Variants in SLC43A2 observed in about 807,000 individuals in gnomAD.
SLC43A2 encodes the protein large neutral amino acids transporter small subunit 4.
In SLC43A2, 38 loss-of-function variants were observed where a neutral mutation model predicts 63.2. The observed-to-expected ratio is 0.60, with a 90% CI of 0.46 to 0.79. The LOEUF is 0.79. SLC43A2 is among the 30% of genes least tolerant of loss of function. The pLI, the probability that SLC43A2 is intolerant of heterozygous loss-of-function variation, is 0.00. For missense variants in SLC43A2, 644 were observed against 756.2 expected, an observed-to-expected ratio of 0.85 and a Z score of 1.74; for synonymous variants, 322 against 331.0, an observed-to-expected ratio of 0.97 and a Z score of 0.30.
intron 2 of SLC43A2, among the ~76,000 whole-genome samples, chr17:1,622,962 C>T (rs10445290): frequency 0.36 from 54,754 of 151,794 alleles, 10,619 homozygotes; most frequent in Middle Eastern, 0.48. Context: ...AAAAATTAGC[C>T]GGGTATGGTG....
intron 2 of SLC43A2, among the ~76,000 whole-genome samples, chr17:1,617,283 C>G (rs998653461): frequency 6.6e-6 from 1 of 152,252 alleles, no homozygotes. Flanking sequence ...ACCCCAATAG[C>G]CTGGTTCTCC....
rs1197093600 is a variant in SLC43A2 at position 1,616,621 on chromosome 17, G to A, written c.309C>T (p.Thr103=). 1 of 1,614,126 alleles carries A rather than the reference G, an allele frequency of 6.2e-7. No individual in the cohort carries two copies. Among genetic ancestry groups the A allele is most frequent in the Non-Finnish European group, 8.5e-7 (1 of 1,180,002 alleles). ...TGTCCATGACGATACCCAGGGGCAG[G>A]GTGATGGCACTGAGCAGAAAGGAGC... ...TVGSFLLSAI[T]LPLGIVMDKY... Residue 103 remains threonine, a synonymous_variant, in exon 3 of 14, where the codon ACC becomes ACT. Coordinates refer to ENST00000301335, the MANE Select transcript of SLC43A2 (RefSeq NM_152346.3).
At chr17:1,614,167 C>T (rs978995299) in intron 4 of SLC43A2, among the ~76,000 whole-genome samples, 1 of 152,024 alleles carries the variant, frequency 6.6e-6, no homozygotes, top group East Asian at 1.9e-4. Flanking sequence ...GGCGTGAACC[C>T]GGGAGGTGGA....
intron 2 of SLC43A2, among the ~76,000 whole-genome samples, chr17:1,621,874 G>A (rs1427808548): frequency 6.6e-6 from 1 of 152,222 alleles, no homozygotes; most frequent in East Asian, 1.9e-4. Context: ...ATATCCCAGA[G>A]AGAAAATGCT....
At chr17:1,626,014 A>C (rs1908628453) in intron 2 of SLC43A2, among the ~76,000 whole-genome samples, 1 of 149,878 alleles carries the variant, frequency 6.7e-6, no homozygotes, top group African/African-American at 2.5e-5. Flanking sequence ...TTAAAAAAAA[A>C]CAAAAAACAA....
rs988576586 is a variant in SLC43A2, at chr17:1,613,057, G to A, written c.501+138C>T. 6.9e-5 allele frequency: 50 copies of A among 724,410 alleles called. 1 individual carries two copies. The highest frequency in any genetic ancestry group is 5.2e-4 in the East Asian group (19 of 36,288). 44.9% of individuals were successfully genotyped at this position (724,410 alleles called of 1,614,324 possible). A position where few individuals can be genotyped will look rare whatever the true frequency, so the allele number is the denominator to read the frequency against. On this transcript the variant is annotated intron_variant, in intron 5 of 13. Coordinates refer to ENST00000301335, the MANE Select transcript of SLC43A2 (RefSeq NM_152346.3). Reference sequence around the variant, plus strand: ...TGAGGAGGCCCTGCCAGGCCACCTCGCCCATAGCCCCTCTACTGTTTGGGA... The same window carrying A: ...TGAGGAGGCCCTGCCAGGCCACCTCACCCATAGCCCCTCTACTGTTTGGGA...
chr17:1,575,769 G>A lies in SLC43A2; in HGVS notation c.1549-4C>T, dbSNP rs757864851. On this transcript the variant is annotated splice_region_variant and splice_polypyrimidine_tract_variant and intron_variant, in intron 13 of 13. Transcript: ENST00000301335. ...GAAGGAGCAGCCCCACGTTCACCTG[G>A]GGAGGCAGGGAGGCCGCGCATCACA... is the stretch of plus-strand genomic sequence containing the variant. 1.7e-5 allele frequency: 27 copies of A among 1,605,926 alleles called. No homozygotes were observed. Among genetic ancestry groups the A allele is most frequent in the African/African-American group, 1.6e-4 (12 of 74,780 alleles).
Position 1,576,725 on chromosome 17 carries a change from A to G in SLC43A2, c.1425-5T>C, listed in dbSNP as rs746871645. 4 of 1,608,334 alleles carry G rather than the reference A, an allele frequency of 2.5e-6. No homozygotes were observed. The highest frequency in any genetic ancestry group is 3.4e-6 in the Non-Finnish European group (4 of 1,179,716). On this transcript the variant is annotated splice_polypyrimidine_tract_variant and splice_region_variant and intron_variant, in intron 12 of 13. Transcript: ENST00000301335. ...CCGAACTGGGTGGAGGGGTACCTGCAGGGCAAGCGACAGCTCACAGCCATC... is the reference window on the plus strand; with the variant it reads ...CCGAACTGGGTGGAGGGGTACCTGCGGGGCAAGCGACAGCTCACAGCCATC...
chr17:1,581,150 G>T (rs1308944862), intron 11 of SLC43A2, among the ~76,000 whole-genome samples: 3 of 151,484 alleles, frequency 2.0e-5, no homozygotes, highest in Non-Finnish European at 4.4e-5. Context: ...TGTGGGTGGT[G>T]GGGGGGCAGG....
At chr17:1,599,797 C>A (rs1015442654) in intron 5 of SLC43A2, among the ~76,000 whole-genome samples, 2 of 151,924 alleles carry the variant, frequency 1.3e-5, no homozygotes, top group South Asian at 4.2e-4. Flanking sequence ...GTAATCCCAG[C>A]ACTTTGGGAA....
Position 1,591,385 on chromosome 17 carries a change from C to T in SLC43A2, c.815G>A (p.Arg272His), listed in dbSNP as rs369338929. 5 of 1,612,520 alleles carry T rather than the reference C, an allele frequency of 3.1e-6. No homozygotes were observed. The highest frequency in any genetic ancestry group is 1.1e-5 in the South Asian group (1 of 91,078). Residue 272 changes from arginine (R) to histidine (H), a missense_variant, in exon 8 of 14, where the codon CGC becomes CAC. Physicochemically the swap from Arg to His is conservative, Grantham distance 29. Around this residue, in one of 3 missense-constraint regions of SLC43A2, gnomAD observed 528 missense variants for 623.6 expected, o/e 0.85. Coordinates refer to ENST00000301335, the MANE Select transcript of SLC43A2 (RefSeq NM_152346.3). ...FYKQVTTVGRRLSVGSSMRSA... is the reference protein window; with the variant it reads ...FYKQVTTVGRHLSVGSSMRSA... Reference sequence around the variant, plus strand: ...CCTCATGGAGCTGCCCACACTCAGGCGCCGGCCCACCGTGGTCACCTGCTT... The same window carrying T: ...CCTCATGGAGCTGCCCACACTCAGGTGCCGGCCCACCGTGGTCACCTGCTT...
intron 5 of SLC43A2, among the ~76,000 whole-genome samples, chr17:1,609,893 C>T (rs376497195): frequency 2.0e-5 from 3 of 150,706 alleles, no homozygotes; most frequent in African/African-American, 7.3e-5. Context: ...ATATTCCAAA[C>T]TGATGAAGAC....
rs34412033 is a variant in SLC43A2 at position 1,575,684 on chromosome 17, G to T, written c.1630C>A (p.Arg544=). 1 of 1,614,084 alleles carries T rather than the reference G, an allele frequency of 6.2e-7. No individual in the cohort carries two copies. Among genetic ancestry groups the T allele is most frequent in the Admixed American group, 1.7e-5 (1 of 60,022 alleles). ...TCCTCCTGCCTCTGCTGCAGCTGCC[G>T]CTCCAGCTGGCGCCGGTAGCAGATC... is the stretch of plus-strand genomic sequence containing the variant. ...YLICYRRQLE[R]QLQQRQEDDK... Residue 544 remains arginine (R), a synonymous_variant, in exon 14 of 14, where the codon CGG becomes AGG. Transcript: ENST00000301335.
intron 5 of SLC43A2, among the ~76,000 whole-genome samples, chr17:1,612,793 G>A (rs963849014): frequency 1.3e-5 from 2 of 152,146 alleles, no homozygotes; most frequent in Non-Finnish European, 2.9e-5. Flanking sequence ...CCAACATGGC[G>A]AAACCCCATG....
Position 1,606,880 on chromosome 17 carries a change from A to T in SLC43A2, c.501+6315T>A, listed in dbSNP as rs1309273924. On this transcript the variant is annotated intron_variant, in intron 5 of 13. Coordinates refer to ENST00000301335, the MANE Select transcript of SLC43A2 (RefSeq NM_152346.3). The surrounding 1 kb of genome is among the most constrained non-coding windows in gnomAD (Gnocchi z 4.7). ...TACTGGGCAGCCTACCTGACGCGAC[A>T]GCCACCCTTGCCCCTCGGAGCCTCC... 6.6e-6 allele frequency among the ~76,000 whole-genome samples: 1 copy of T among 152,232 alleles called. No homozygotes were observed. Among genetic ancestry groups the T allele is most frequent in the Admixed American group, 6.5e-5 (1 of 15,280 alleles).
At chr17:1,624,310 C>A (rs544722191) in intron 2 of SLC43A2, among the ~76,000 whole-genome samples, 133 of 152,262 alleles carry the variant, frequency 8.7e-4, no homozygotes, top group Middle Eastern at 3.4e-3. Context: ...TGGTGGCTTA[C>A]ACCTGTAGTC....
At chr17:1,586,928 T>TGGGCC in intron 9 of SLC43A2, 525 of 1,232,086 alleles carry the variant, frequency 4.3e-4, no homozygotes, top group Middle Eastern at 5.7e-4. Flanking sequence ...TCCCTGACAA[T>TGGGCC]CCCCCCCACC....
At chr17:1,607,644 A>G (rs1906736884) in intron 5 of SLC43A2, among the ~76,000 whole-genome samples, 1 of 152,170 alleles carries the variant, frequency 6.6e-6, no homozygotes, top group South Asian at 2.1e-4. Flanking sequence ...TCAGACGAGG[A>G]ACAGTGACGT....
At position 1,578,465 on chromosome 17, in the gene SLC43A2, T is replaced by C; in HGVS notation, c.1351-142A>G. 1 of 687,380 alleles carries C rather than the reference T, an allele frequency of 1.5e-6. No individual in the cohort carries two copies. The highest frequency in any genetic ancestry group is 2.1e-5 in the South Asian group (1 of 47,624). 42.6% of individuals were successfully genotyped at this position (687,380 alleles called of 1,614,324 possible). A position where few individuals can be genotyped will look rare whatever the true frequency, so the allele number is the denominator to read the frequency against. On this transcript the variant is annotated intron_variant, in intron 11 of 13. Transcript: ENST00000301335. The surrounding 1 kb of genome is among the most constrained non-coding windows in gnomAD (Gnocchi z 6.5). ...CAACCCCATCCTCCGGAGCCAATTG[T>C]GAATTTTCAGAAATTTTGCAAGCCA...
Sources: allele counts gnomAD v4.1 joint callset (sites outside exome capture counted in the v4.1 genomes callset), GRCh38; gene constraint gnomAD v4.1.1; regional missense constraint gnomAD v4.1.1; non-coding constraint Gnocchi (gnomAD v3.1); transcripts MANE v1.5; gene names NCBI Gene and HGNC (gene_info 2026-07-23, HGNC 2026-07-21).